The following CTNNA1 variants were observed in gnomAD, a reference collection of about 807,000 sequenced individuals.
CTNNA1 encodes catenin alpha-1.
CTNNA1 carries 37 observed loss-of-function variants against 98.4 expected under a neutral mutation model. The ratio of observed to expected loss-of-function variants is 0.38; its 90% CI spans 0.29 to 0.49. The LOEUF (loss-of-function observed/expected upper bound fraction) is 0.49. CTNNA1 is among the 20% of genes least tolerant of loss of function. The probability of loss-of-function intolerance (pLI) is 0.95; values close to 1 mark genes in which losing one functional copy is unlikely to be tolerated. For synonymous variants in CTNNA1, 404 were observed against 413.2 expected (o/e 0.98, Z 0.27); for missense variants, 761 against 1,147.2 (o/e 0.66, Z 4.86).
chr5:138,880,631 C>T (rs1752678926), intron 7 of CTNNA1: 1 of 158,972 alleles, frequency 6.3e-6, no homozygotes, highest in Non-Finnish European at 1.4e-5. Flanking sequence ...CTCCTCTCTA[C>T]ATTTCTGAGT....
At chr5:138,903,810 A>G (rs1203130092) in intron 9 of CTNNA1, among the ~76,000 whole-genome samples, 1 of 152,104 alleles carries the variant, frequency 6.6e-6, no homozygotes, top group Non-Finnish European at 1.5e-5. Context: ...GTCCATCTTG[A>G]TGTTGTCTTC....
intron 11 of CTNNA1, among the ~76,000 whole-genome samples, chr5:138,918,304 TTTG>T (rs1308408049): frequency 6.6e-6 from 1 of 152,198 alleles, no homozygotes; most frequent in Non-Finnish European, 1.5e-5. Flanking sequence ...ACTGTGGTTA[TTTG>T]TTATCAGCCT....
intron 3 of CTNNA1, among the ~76,000 whole-genome samples, chr5:138,798,526 C>T (rs1218488938): frequency 6.6e-6 from 1 of 152,116 alleles, no homozygotes; most frequent in Non-Finnish European, 1.5e-5. Context: ...ATTTTCCAAG[C>T]CTATCCTTTC....
intron 7 of CTNNA1, among the ~76,000 whole-genome samples, chr5:138,833,759 AT>A (rs1761506468): frequency 6.6e-6 from 1 of 152,190 alleles, no homozygotes; most frequent in South Asian, 2.1e-4. Context: ...TATAACTTGT[AT>A]TCTTTTAATA....
At chr5:138,926,601 G>C (rs6871257) in intron 13 of CTNNA1, among the ~76,000 whole-genome samples, 4,170 of 152,246 alleles carry the variant, frequency 0.027, 179 homozygotes, top group African/African-American at 0.095. Context: ...AGCACCATGG[G>C]CATTGCTCTC....
At chr5:138,758,593 T>C (rs1751968882) in intron 1 of CTNNA1, among the ~76,000 whole-genome samples, 1 of 152,144 alleles carries the variant, frequency 6.6e-6, no homozygotes, top group Non-Finnish European at 1.5e-5. Context: ...GCCAGGATAG[T>C]CTTGATCTCT....
intron 1 of CTNNA1, among the ~76,000 whole-genome samples, chr5:138,780,805 C>T (rs1028375582): frequency 2.6e-5 from 4 of 152,170 alleles, no homozygotes; most frequent in African/African-American, 9.7e-5. Context: ...AGTGAGCCAC[C>T]ACGCCCAGCC....
chr5:138,925,413 T>TA lies in CTNNA1; in HGVS notation c.1899+8dup. ...AAGCAGTGCTGATGATAAGGGTGAG[T>TA]AACTGCATTTCAGACGTCTTAACAG... is the stretch of plus-strand genomic sequence containing the variant. On this transcript the variant is annotated splice_region_variant and intron_variant, in intron 13 of 17. Transcript: ENST00000302763. 1 of 1,613,236 alleles carries TA rather than the reference T, an allele frequency of 6.2e-7. No homozygotes were observed. The highest frequency in any genetic ancestry group is 2.2e-5 in the East Asian group (1 of 44,872).
At chr5:138,901,917 TGTTAGAAGTGA>T (rs1758124399) in intron 9 of CTNNA1, among the ~76,000 whole-genome samples, 1 of 152,184 alleles carries the variant, frequency 6.6e-6, no homozygotes, top group South Asian at 2.1e-4. Context: ...CATTTGTCAT[TGTTAGAAGTGA>T]GTAGCCCTGT....
chr5:138,833,996 C>T (rs894882561), intron 7 of CTNNA1, among the ~76,000 whole-genome samples: 1 of 152,050 alleles, frequency 6.6e-6, no homozygotes, highest in Non-Finnish European at 1.5e-5. Flanking sequence ...AATTTTAATT[C>T]GATTTGGGTA....
intron 5 of CTNNA1, among the ~76,000 whole-genome samples, chr5:138,812,659 A>G (rs920244781): frequency 2.6e-5 from 4 of 152,242 alleles, no homozygotes; most frequent in African/African-American, 9.6e-5. Flanking sequence ...ATTTAAATAT[A>G]CTGGAATTAT....
At chr5:138,786,246 T>A (rs191154759) in intron 3 of CTNNA1, among the ~76,000 whole-genome samples, 1 of 152,234 alleles carries the variant, frequency 6.6e-6, no homozygotes, top group Non-Finnish European at 1.5e-5. Flanking sequence ...GCATCAGATA[T>A]GAAAAGCTGA....
chr5:138,866,887 A>G (rs1044033810), intron 7 of CTNNA1, among the ~76,000 whole-genome samples: 7 of 152,152 alleles, frequency 4.6e-5, no homozygotes, highest in Admixed American at 6.5e-5. Flanking sequence ...CCTCTTTGTA[A>G]AAGACAATTT....
chr5:138,895,626 T>C (rs1756617067), intron 9 of CTNNA1, among the ~76,000 whole-genome samples: 1 of 152,064 alleles, frequency 6.6e-6, no homozygotes, highest in African/African-American at 2.4e-5. Flanking sequence ...TTTCTTAGTA[T>C]GTCCTGGTCA....
At chr5:138,905,709 G>A (rs2150149332) in intron 10 of CTNNA1, among the ~76,000 whole-genome samples, 1 of 152,340 alleles carries the variant, frequency 6.6e-6, no homozygotes, top group South Asian at 2.1e-4. Context: ...TAAGTGCCCA[G>A]TGTGTTGCCT....
intron 7 of CTNNA1, among the ~76,000 whole-genome samples, chr5:138,835,679 T>C (rs1329803842): frequency 2.0e-5 from 3 of 152,188 alleles, no homozygotes; most frequent in African/African-American, 7.2e-5. Flanking sequence ...TACAAGGTGA[T>C]ATTTAGATAT....
At chr5:138,782,180 T>C in intron 2 of CTNNA1, 151 bp downstream of exon 2, 4 of 750,936 alleles carry the variant, frequency 5.3e-6, no homozygotes, top group Non-Finnish European at 8.7e-6. Context: ...TATTGATGCA[T>C]GGGTTTAGTT....
intron 1 of CTNNA1, among the ~76,000 whole-genome samples, chr5:138,775,302 A>G (rs1057125658): frequency 4.6e-5 from 7 of 152,230 alleles, no homozygotes; most frequent in Non-Finnish European, 8.8e-5. Flanking sequence ...ACCTTTAGCA[A>G]TCTAGAGCAT....
intron 3 of CTNNA1, among the ~76,000 whole-genome samples, chr5:138,788,485 GT>G (rs1755967922): frequency 6.6e-6 from 1 of 152,034 alleles, no homozygotes; most frequent in East Asian, 1.9e-4. Context: ...ACAATGCAGT[GT>G]TTTTTAGGGT....
Sources: gnomAD v4.1 joint callset for allele counts (sites outside exome capture counted in the v4.1 genomes callset) on GRCh38, gnomAD v4.1.1 for gene constraint, MANE v1.5 for transcripts, NCBI Gene and HGNC (gene_info 2026-07-23, HGNC 2026-07-21) for gene names.